Variants in H2BC26 observed in about 807,000 individuals in gnomAD.
H2BC26 encodes H2B clustered histone 26, also known as histone H2B type 3-B.
chr1:228,458,496 A>G, the H2BC26 span: 1 of 1,614,200 alleles, frequency 6.2e-7, no homozygotes, highest in Non-Finnish European at 8.5e-7. Flanking sequence ...CACCAAGTAC[A>G]CCAGCTCCAA....
chr1:228,458,424 G>C, the H2BC26 span: 1 of 1,614,168 alleles, frequency 6.2e-7, no homozygotes, highest in Non-Finnish European at 8.5e-7. Context: ...GCAGACGGCC[G>C]TTCGCCTGCT....
chr1:228,458,217 C>G, the H2BC26 span: 5 of 1,614,200 alleles, frequency 3.1e-6, no homozygotes, highest in Admixed American at 1.7e-5. Context: ...CGGCAAGAAG[C>G]GCAAGCGCGG....
chr1:228,458,221 A>C, the H2BC26 span: 1 of 1,614,198 alleles, frequency 6.2e-7, no homozygotes, highest in Non-Finnish European at 8.5e-7. Context: ...AAGAAGCGCA[A>C]GCGCGGCCGC....
the H2BC26 span, chr1:228,458,308 T>C: frequency 1.9e-6 from 3 of 1,614,226 alleles, no homozygotes; most frequent in South Asian, 1.1e-5. Flanking sequence ...TCCAAGGCCA[T>C]GGGCATCATG....
chr1:228,458,199 A>AG, the H2BC26 span: 1 of 1,614,024 alleles, frequency 6.2e-7, no homozygotes, highest in Non-Finnish European at 8.5e-7. Flanking sequence ...CAAGGCACAG[A>AG]AGAAGGACGG....
the H2BC26 span, chr1:228,458,467 C>G: frequency 6.2e-7 from 1 of 1,614,174 alleles, no homozygotes; most frequent in Non-Finnish European, 8.5e-7. Context: ...CACGCCGTGT[C>G]CGAGGGCACC....
At chr1:228,458,162 C>CG in the H2BC26 span, 198 of 1,612,082 alleles carry the variant, frequency 1.2e-4, no homozygotes, top group Non-Finnish European at 1.6e-4. Context: ...CTCCTGCGCC[C>CG]AAGAAGGGTT....
chr1:228,458,114 G>A, the H2BC26 span: 7 of 1,565,712 alleles, frequency 4.5e-6, no homozygotes, highest in South Asian at 2.4e-5. Context: ...TTTCTGTTTG[G>A]AGAGACTCAG....
At chr1:228,458,305 C>T in the H2BC26 span, 1 of 1,614,228 alleles carries the variant, frequency 6.2e-7, no homozygotes, top group Non-Finnish European at 8.5e-7. Flanking sequence ...TCGTCCAAGG[C>T]CATGGGCATC....
the H2BC26 span, chr1:228,458,461 C>A: frequency 6.2e-7 from 1 of 1,614,224 alleles, no homozygotes; most frequent in Non-Finnish European, 8.5e-7. Flanking sequence ...GCCAAGCACG[C>A]CGTGTCCGAG....
At chr1:228,458,528 T>C in the H2BC26 span, 30 of 1,613,960 alleles carry the variant, frequency 1.9e-5, no homozygotes, top group Non-Finnish European at 2.3e-5. Context: ...CTCGGCGTCC[T>C]GAACCCAAAG....
chr1:228,458,542 C>CT, the H2BC26 span: 3 of 1,613,872 alleles, frequency 1.9e-6, no homozygotes, highest in Non-Finnish European at 2.5e-6. Flanking sequence ...CCCAAAGGCT[C>CT]TTTTCAGAGC....
chr1:228,458,137 A>G, the H2BC26 span: 1 of 1,604,400 alleles, frequency 6.2e-7, no homozygotes, highest in Non-Finnish European at 8.5e-7. Flanking sequence ...ATCATGCCAG[A>G]CCCGTCCAAA....
chr1:228,458,173 C>CA, the H2BC26 span: 3 of 1,613,316 alleles, frequency 1.9e-6, no homozygotes, highest in African/African-American at 4.0e-5. Context: ...AAGAAGGGTT[C>CA]TAAAAAGGCT....
chr1:228,458,225 C>G, the H2BC26 span: 21 of 1,614,182 alleles, frequency 1.3e-5, no homozygotes, highest in South Asian at 2.3e-4. Context: ...AGCGCAAGCG[C>G]GGCCGCAAGG....
the H2BC26 span, chr1:228,458,146 A>G: frequency 1.1e-5 from 17 of 1,607,914 alleles, no homozygotes; most frequent in Admixed American, 3.4e-5. Context: ...GACCCGTCCA[A>G]ATCGGCTCCT....
chr1:228,458,128 T>G, the H2BC26 span: 3 of 1,586,064 alleles, frequency 1.9e-6, no homozygotes, highest in South Asian at 1.1e-5. Context: ...GACTCAGCCA[T>G]CATGCCAGAC....
the H2BC26 span, chr1:228,458,448 C>T: frequency 6.2e-7 from 1 of 1,614,220 alleles, no homozygotes; most frequent in African/African-American, 1.3e-5. Flanking sequence ...GCCCGGCGAG[C>T]TGGCCAAGCA....
chr1:228,458,391 T>G, the H2BC26 span: 3 of 1,614,028 alleles, frequency 1.9e-6, no homozygotes, highest in Non-Finnish European at 2.5e-6. Flanking sequence ...CAACAAGCGC[T>G]CCACCATCAC....
Sources: gnomAD v4.1 joint callset for allele counts on GRCh38, gnomAD v4.1.1 for gene constraint, MANE v1.5 for transcripts, NCBI Gene and HGNC (gene_info 2026-07-23, HGNC 2026-07-21) for gene names.